AOPEP: variants seen among roughly 807,000 people sequenced by gnomAD.
AOPEP encodes the protein aminopeptidase O.
Under a neutral mutation model 98.1 loss-of-function variants are expected in AOPEP, and 77 were observed. The ratio of observed to expected loss-of-function variants is 0.78; its 90% CI spans 0.65 to 0.95. The LOEUF (loss-of-function observed/expected upper bound fraction) is 0.95, where lower values mean the gene tolerates loss of function less well. AOPEP is among the 40% of genes least tolerant of loss of function. The probability of loss-of-function intolerance (pLI) is 0.00; values close to 1 mark genes in which losing one functional copy is unlikely to be tolerated. For synonymous variants in AOPEP, 346 were observed against 365.3 expected (o/e 0.95, Z 0.60); for missense variants, 1,024 against 1,024.7 (o/e 1.00, Z 0.01).
chr9:95,107,100 C>T, the AOPEP span: 1 of 1,614,194 alleles, frequency 6.2e-7, no homozygotes, highest in South Asian at 1.1e-5. Context: ...CGTGTGGCCT[C>T]CAGGAGCCCA....
the AOPEP span, chr9:95,111,551 G>A: frequency 5.5e-5 from 88 of 1,614,042 alleles, no homozygotes; most frequent in Middle Eastern, 1.6e-4. Flanking sequence ...TTCGGCTGCC[G>A]ACATCAGTAA....
In AOPEP at chr9:94,800,744, G is replaced by A. The variant is rs769027658; in HGVS notation, c.1119-13G>A. On this transcript the variant is annotated splice_polypyrimidine_tract_variant and intron_variant, in intron 4 of 16. Coordinates refer to ENST00000375315, the MANE Select transcript of AOPEP (RefSeq NM_001193329.3). ...ATAAACATGTTTTACCATTTATTTTGTGTTATTCCCAGGCATGTTGGTGTT... is the reference window on the plus strand; with the variant it reads ...ATAAACATGTTTTACCATTTATTTTATGTTATTCCCAGGCATGTTGGTGTT... 6 of 1,613,144 alleles carry A rather than the reference G, an allele frequency of 3.7e-6. No individual in the cohort carries two copies. The Admixed American group carries it at 8.3e-5, about 22-fold the overall frequency.
intron 13 of AOPEP, 69 bp from the exon 14 acceptor site, chr9:95,060,625 C>A: frequency 2.0e-6 from 2 of 1,025,294 alleles, no homozygotes; most frequent in South Asian, 2.5e-5. Context: ...GGTCTTCAGT[C>A]TGAACATTTG....
intron 5 of AOPEP, among the ~76,000 whole-genome samples, chr9:94,888,598 G>A (rs1247983632): frequency 6.6e-6 from 1 of 152,160 alleles, no homozygotes. Flanking sequence ...ACATCTAAGA[G>A]AATTAAGGAG....
chr9:95,044,814 C>G (rs1168825002), intron 13 of AOPEP, among the ~76,000 whole-genome samples: 1 of 152,060 alleles, frequency 6.6e-6, no homozygotes, highest in Non-Finnish European at 1.5e-5. Context: ...CTGGTGTGCC[C>G]CTAGGGCCTG....
intron 3 of AOPEP, among the ~76,000 whole-genome samples, chr9:94,778,136 C>G (rs1842554812): frequency 6.6e-6 from 1 of 152,058 alleles, no homozygotes; most frequent in South Asian, 2.1e-4. Flanking sequence ...ATTAAAAGGA[C>G]AGAAAATACC....
At chr9:95,007,906 A>G (rs1042974849) in intron 13 of AOPEP, among the ~76,000 whole-genome samples, 8 of 152,210 alleles carry the variant, frequency 5.3e-5, no homozygotes, top group African/African-American at 1.9e-4. Flanking sequence ...TGAACCTGTT[A>G]TTAGTAGGAG....
intron 5 of AOPEP, among the ~76,000 whole-genome samples, chr9:94,871,842 A>G (rs563738425): frequency 1.9e-4 from 29 of 152,096 alleles, no homozygotes; most frequent in Non-Finnish European, 2.6e-4. Flanking sequence ...CCCTGTCTCT[A>G]TACAAAATAC....
chr9:94,815,281 A>G (rs1851454968), intron 5 of AOPEP, among the ~76,000 whole-genome samples: 1 of 152,176 alleles, frequency 6.6e-6, no homozygotes, highest in Admixed American at 6.5e-5. Flanking sequence ...GAGTTACCAT[A>G]TAGTTTCCTA....
At chr9:95,014,649 G>A (rs887936824) in intron 13 of AOPEP, among the ~76,000 whole-genome samples, 3 of 152,142 alleles carry the variant, frequency 2.0e-5, no homozygotes, top group South Asian at 2.1e-4. Flanking sequence ...ATCTACTCAT[G>A]GAGGACTACT....
At chr9:94,968,438 C>T (rs1261830471) in intron 10 of AOPEP, among the ~76,000 whole-genome samples, 1 of 152,114 alleles carries the variant, frequency 6.6e-6, no homozygotes, top group Non-Finnish European at 1.5e-5. Context: ...GTCAGGGTTT[C>T]ACCATGTTGG....
At chr9:94,958,249 C>T (rs1295800499) in intron 9 of AOPEP, among the ~76,000 whole-genome samples, 1 of 152,198 alleles carries the variant, frequency 6.6e-6, no homozygotes. Context: ...CTGAATGCTC[C>T]ATTGCATGTA....
At chr9:95,006,759 G>A (rs1242920214) in intron 13 of AOPEP, among the ~76,000 whole-genome samples, 1 of 152,054 alleles carries the variant, frequency 6.6e-6, no homozygotes, top group Non-Finnish European at 1.5e-5. Flanking sequence ...CCATACCTCA[G>A]CATGGTATGG....
intron 4 of AOPEP, among the ~76,000 whole-genome samples, chr9:94,796,792 A>AC (rs1847037773): frequency 1.3e-5 from 2 of 152,202 alleles, no homozygotes; most frequent in African/African-American, 4.8e-5. Flanking sequence ...GCTCTCAGAT[A>AC]AGCTGTTGAA....
intron 4 of AOPEP, among the ~76,000 whole-genome samples, chr9:94,793,655 G>A (rs1229554317): frequency 4.7e-5 from 7 of 150,470 alleles, no homozygotes; most frequent in African/African-American, 1.2e-4. Flanking sequence ...CCAGCCTGGC[G>A]ACAGAGCAAG....
intron 7 of AOPEP, among the ~76,000 whole-genome samples, chr9:94,952,429 A>G (rs781772151): frequency 6.6e-6 from 1 of 152,166 alleles, no homozygotes; most frequent in African/African-American, 2.4e-5. Flanking sequence ...GCTGTCTGTC[A>G]ACACTCCCTC....
intron 5 of AOPEP, among the ~76,000 whole-genome samples, chr9:94,818,656 T>A (rs1852234611): frequency 6.6e-6 from 1 of 152,224 alleles, no homozygotes; most frequent in Non-Finnish European, 1.5e-5. Flanking sequence ...CAGACATTAT[T>A]TGATTCAGCT....
chr9:95,083,362 CCACA>C (rs929528143), intron 16 of AOPEP, among the ~76,000 whole-genome samples: 5 of 151,008 alleles, frequency 3.3e-5, no homozygotes, highest in African/African-American at 7.3e-5. Context: ...AGCGCACGCA[CCACA>C]CAGAGCACAC....
At chr9:95,117,630 T>A in the AOPEP span, among the ~76,000 whole-genome samples, 14 of 152,094 alleles carry the variant, frequency 9.2e-5, no homozygotes, top group African/African-American at 3.4e-4. Context: ...GATGTCTTTA[T>A]GAGTTCTACT....
Sources: gnomAD v4.1 joint callset for allele counts (sites outside exome capture counted in the v4.1 genomes callset) on GRCh38, gnomAD v4.1.1 for gene constraint, MANE v1.5 for transcripts, NCBI Gene and HGNC (gene_info 2026-07-23, HGNC 2026-07-21) for gene names.